Variants in EPB41 observed in about 807,000 individuals in gnomAD.
EPB41 encodes the protein erythrocyte membrane protein band 4.1.
A neutral mutation model predicts 108.0 loss-of-function variants in EPB41; 65 were observed. That is an observed-to-expected ratio of 0.60 (90% CI 0.49 to 0.74). The LOEUF is 0.74. EPB41 is among the 30% of genes least tolerant of loss of function. The pLI, the probability that EPB41 is intolerant of heterozygous loss-of-function variation, is 0.00. For synonymous variants in EPB41, 336 were observed against 358.9 expected (o/e 0.94, Z 0.72); for missense variants, 875 against 1,037.0 (o/e 0.84, Z 2.15).
intron 16 of EPB41, among the ~76,000 whole-genome samples, chr1:29,085,388 G>C (rs55752163): frequency 0.089 from 13,576 of 151,742 alleles, 812 homozygotes; most frequent in East Asian, 0.27. Context: ...CAAATGATCC[G>C]CCTGCCTCAG....
intron 16 of EPB41, among the ~76,000 whole-genome samples, chr1:29,079,862 T>G (rs1655698784): frequency 6.6e-6 from 1 of 151,918 alleles, no homozygotes; most frequent in South Asian, 2.1e-4. Context: ...CCAGGCATGA[T>G]TGCGCGGGCC....
At chr1:29,029,648 A>G (rs986891164) in intron 7 of EPB41, among the ~76,000 whole-genome samples, 60 of 152,348 alleles carry the variant, frequency 3.9e-4, no homozygotes, top group African/African-American at 1.4e-3. Context: ...AACACTTTTC[A>G]AAAGACGGGA....
At chr1:29,070,695 A>T in intron 16 of EPB41, 2 of 1,230,786 alleles carry the variant, frequency 1.6e-6, no homozygotes, top group East Asian at 6.3e-5. Flanking sequence ...TTGCTGTATG[A>T]TGCCCTCTGA....
intron 7 of EPB41, among the ~76,000 whole-genome samples, chr1:29,019,691 T>C (rs972426540): frequency 3.3e-5 from 5 of 152,190 alleles, no homozygotes; most frequent in African/African-American, 9.7e-5. Context: ...AATTATTCTT[T>C]CCAGCCATTG....
chr1:28,966,472 A>G (rs1239081650), intron 1 of EPB41, among the ~76,000 whole-genome samples: 1 of 152,228 alleles, frequency 6.6e-6, no homozygotes, highest in South Asian at 2.1e-4. Flanking sequence ...CAGGGATGAA[A>G]CAATGAACAA....
At chr1:28,959,039 T>C (rs1008001106) in intron 1 of EPB41, among the ~76,000 whole-genome samples, 4 of 151,398 alleles carry the variant, frequency 2.6e-5, no homozygotes, top group Admixed American at 2.0e-4. Context: ...TGGGGTATTA[T>C]AAAGAAGGCA....
upstream of EPB41, chr1:28,911,259 CT>C: frequency 1.3e-6 from 1 of 764,478 alleles, no homozygotes; most frequent in Non-Finnish European, 1.6e-6. Flanking sequence ...GTGGATAGTA[CT>C]TTACAGTTTA....
At chr1:29,032,307 T>A (rs1184957110) in intron 8 of EPB41, among the ~76,000 whole-genome samples, 1 of 152,122 alleles carries the variant, frequency 6.6e-6, no homozygotes, top group African/African-American at 2.4e-5. Flanking sequence ...CATGTTCCCT[T>A]CCCAAATATT....
chr1:29,059,292 C>T (rs920431732), intron 14 of EPB41, among the ~76,000 whole-genome samples: 2 of 152,008 alleles, frequency 1.3e-5, no homozygotes, highest in Non-Finnish European at 2.9e-5. Flanking sequence ...CTGAAGAAAC[C>T]ATAATCCTGT....
At position 28,989,369 on chromosome 1, in the gene EPB41, A is replaced by G. The variant is rs189825039; in HGVS notation, c.468+1464A>G. On this transcript the variant is annotated intron_variant, in intron 2 of 20. Transcript: ENST00000343067. ...ATTTATTTTCAGCCTCACCATTACA[A>G]TTAAGAATTATTTTCAGAGTCTTCT... The G allele has an allele frequency of 6.9e-4, 673 of 973,608 alleles. 3 individuals are homozygous for G. The African/African-American group carries it at 0.011, about 16-fold the overall frequency. 60.3% of individuals were successfully genotyped at this position (973,608 alleles called of 1,614,324 possible). A position where few individuals can be genotyped will look rare whatever the true frequency, so the allele number is the denominator to read the frequency against.
chr1:28,937,501 T>C lies in EPB41; in HGVS notation c.-8+22733T>C, dbSNP rs1474880122. On this transcript the variant is annotated intron_variant, in intron 1 of 20. Coordinates refer to ENST00000343067, the MANE Select transcript of EPB41 (RefSeq NM_001376013.1). ...CCTCTGCCTCACAGGCTCAAGTGAT[T>C]CTCCTGCCTCATCCTCCCAAGTAGA... Among the ~76,000 whole-genome samples, 7 of 152,260 alleles carry C rather than the reference T, an allele frequency of 4.6e-5. No homozygotes were observed. In the East Asian group the frequency reaches 5.8e-4, roughly 13 times the overall value.
intron 1 of EPB41, among the ~76,000 whole-genome samples, chr1:28,961,674 C>T (rs1164185419): frequency 2.0e-5 from 3 of 152,200 alleles, no homozygotes; most frequent in Non-Finnish European, 4.4e-5. Context: ...ATACATTTCT[C>T]AGGAATACAT....
chr1:29,018,160 T>G lies in EPB41; in HGVS notation c.906-64T>G, dbSNP rs557908789. The G allele has an allele frequency of 3.4e-5, 51 of 1,479,746 alleles. No homozygotes were observed. The South Asian group carries it at 5.6e-4, about 16-fold the overall frequency. 91.7% of individuals were successfully genotyped at this position (1,479,746 alleles called of 1,614,324 possible). A position where few individuals can be genotyped will look rare whatever the true frequency, so the allele number is the denominator to read the frequency against. On this transcript the variant is annotated intron_variant, in intron 6 of 20. Transcript: ENST00000343067. This position sits in a 1 kb window ranked among gnomAD's most constrained non-coding sequence, Gnocchi z 4.4. The stretch of plus-strand genomic sequence containing the variant: ...CCTTTCTGTTTCTCCCCTTTTCTCC[T>G]TTTTCTCTCTTTATATTTTGTTGTT...
intron 16 of EPB41, chr1:29,069,291 A>T (rs961456239): frequency 1.1e-5 from 14 of 1,231,538 alleles, no homozygotes; most frequent in Non-Finnish European, 1.4e-5. Context: ...TTTTCCTTTC[A>T]TAGATAACAT....
At chr1:29,053,969 AC>A (rs796909565) in intron 12 of EPB41, 2 of 152,548 alleles carry the variant, frequency 1.3e-5, no homozygotes, top group African/African-American at 4.8e-5. Flanking sequence ...GCTTTTTAAG[AC>A]TAAGCTCTGC....
chr1:28,965,584 A>AT (rs907508408), intron 1 of EPB41, among the ~76,000 whole-genome samples: 7 of 150,738 alleles, frequency 4.6e-5, no homozygotes, highest in Middle Eastern at 3.4e-3. Context: ...ACACAACCTC[A>AT]TTTTTTTTTC....
chr1:29,082,258 G>A (rs1657009901), intron 16 of EPB41, among the ~76,000 whole-genome samples: 1 of 152,040 alleles, frequency 6.6e-6, no homozygotes. Context: ...CTGAGTAGCT[G>A]GGATTACAGA....
chr1:29,108,736 T>C (rs189785146), intron 17 of EPB41, among the ~76,000 whole-genome samples: 3 of 151,156 alleles, frequency 2.0e-5, no homozygotes, highest in Admixed American at 6.6e-5. Context: ...TTTGTTTTTT[T>C]AGTAGACACA....
At chr1:28,936,929 T>C (rs2094055076) in intron 1 of EPB41, among the ~76,000 whole-genome samples, 1 of 152,224 alleles carries the variant, frequency 6.6e-6, no homozygotes, top group South Asian at 2.1e-4. Flanking sequence ...GATATGTAAC[T>C]AGGAGTAGAA....
Sources: gnomAD v4.1 joint callset for allele counts (sites outside exome capture counted in the v4.1 genomes callset) on GRCh38, gnomAD v4.1.1 for gene constraint, Gnocchi (gnomAD v3.1) non-coding constraint, MANE v1.5 for transcripts, NCBI Gene and HGNC (gene_info 2026-07-23, HGNC 2026-07-21) for gene names.